The following ANGPT1 variants were observed in gnomAD, a reference collection of about 807,000 sequenced individuals.
The protein encoded by ANGPT1 is angiopoietin 1.
In ANGPT1, 17 loss-of-function variants were observed where a neutral mutation model predicts 62.2. That is an observed-to-expected ratio of 0.27 (90% CI 0.19 to 0.41). The LOEUF is 0.41. Ranked by LOEUF, ANGPT1 falls within the 10% of genes least tolerant of loss-of-function variation. The probability of loss-of-function intolerance (pLI) is 1.00; values close to 1 mark genes in which losing one functional copy is unlikely to be tolerated. For synonymous variants in ANGPT1, 199 were observed against 198.9 expected (o/e 1.00, Z 0.00); for missense variants, 478 against 594.9 (o/e 0.80, Z 2.04).
chr8:107,412,908 T>C (rs948076843), intron 1 of ANGPT1, among the ~76,000 whole-genome samples: 3 of 152,098 alleles, frequency 2.0e-5, no homozygotes, highest in Admixed American at 6.6e-5. Flanking sequence ...AATAAACAAA[T>C]GGATACTAAA....
chr8:107,286,643 A>T (rs1159484492), intron 6 of ANGPT1, among the ~76,000 whole-genome samples: 1 of 152,162 alleles, frequency 6.6e-6, no homozygotes, highest in Non-Finnish European at 1.5e-5. Context: ...CCCCAATTTA[A>T]CTAAGTTTTT....
intron 3 of ANGPT1, among the ~76,000 whole-genome samples, chr8:107,333,949 A>G (rs1815486127): frequency 7.8e-6 from 1 of 128,948 alleles, no homozygotes; most frequent in African/African-American, 2.7e-5. Flanking sequence ...AAAGAAAAAG[A>G]AAGAAAGAAA....
chr8:107,385,222 A>T (rs1816710821), intron 1 of ANGPT1, among the ~76,000 whole-genome samples: 1 of 152,074 alleles, frequency 6.6e-6, no homozygotes, highest in Non-Finnish European at 1.5e-5. Flanking sequence ...TGCTTTTTGT[A>T]GTATGGCCAT....
At chr8:107,425,952 G>A (rs1306597866) in intron 1 of ANGPT1, among the ~76,000 whole-genome samples, 1 of 152,214 alleles carries the variant, frequency 6.6e-6, no homozygotes, top group East Asian at 1.9e-4. Context: ...GGGGCCCCAG[G>A]CTTATACCAT....
At chr8:107,280,207 T>A (rs1466725703) in intron 7 of ANGPT1, among the ~76,000 whole-genome samples, 1 of 140,906 alleles carries the variant, frequency 7.1e-6, no homozygotes, top group Admixed American at 7.0e-5. Context: ...TCTTTTTTTA[T>A]TTTTTTTTTT....
chr8:107,295,057 T>C (rs1284301411), intron 5 of ANGPT1: 1 of 152,160 alleles, frequency 6.6e-6, no homozygotes, highest in Non-Finnish European at 1.5e-5. Flanking sequence ...CCCTGAGGCA[T>C]TGCATTTGGA....
chr8:107,359,429 G>A (rs982963656), intron 1 of ANGPT1, among the ~76,000 whole-genome samples: 2 of 152,118 alleles, frequency 1.3e-5, no homozygotes, highest in African/African-American at 4.8e-5. Context: ...TTATTTCCCA[G>A]AGAGAGCAAT....
At chr8:107,492,338 C>A (rs1464217384) in intron 1 of ANGPT1, among the ~76,000 whole-genome samples, 1 of 152,074 alleles carries the variant, frequency 6.6e-6, no homozygotes, top group Non-Finnish European at 1.5e-5. Context: ...TACTAAATAT[C>A]TACTTTATTT....
At chr8:107,369,669 C>A (rs1346639724) in intron 1 of ANGPT1, among the ~76,000 whole-genome samples, 1 of 152,026 alleles carries the variant, frequency 6.6e-6, no homozygotes, top group Non-Finnish European at 1.5e-5. Context: ...TATTCATTGA[C>A]CTAATTTCAA....
intron 1 of ANGPT1, among the ~76,000 whole-genome samples, chr8:107,440,698 G>A (rs1425461535): frequency 2.0e-5 from 3 of 152,164 alleles, no homozygotes; most frequent in Admixed American, 6.5e-5. Context: ...GCATTAACAT[G>A]TCCTTTTAAA....
At chr8:107,475,964 A>G (rs75499704) in intron 1 of ANGPT1, among the ~76,000 whole-genome samples, 7,996 of 152,198 alleles carry the variant, frequency 0.053, 233 homozygotes, top group South Asian at 0.11. Flanking sequence ...TGGAGAAATA[A>G]GAACAATTTT....
intron 1 of ANGPT1, among the ~76,000 whole-genome samples, chr8:107,383,385 T>C (rs1012009097): frequency 6.6e-6 from 1 of 152,162 alleles, no homozygotes; most frequent in Non-Finnish European, 1.5e-5. Flanking sequence ...AGTCCAGCCT[T>C]ACAAACTGAG....
chr8:107,380,323 C>T (rs1053262097), intron 1 of ANGPT1, among the ~76,000 whole-genome samples: 6 of 151,006 alleles, frequency 4.0e-5, no homozygotes, highest in Non-Finnish European at 5.9e-5. Flanking sequence ...TATTTGACAT[C>T]GAATGTTTAT....
At chr8:107,452,948 GA>G (rs1310892360) in intron 1 of ANGPT1, among the ~76,000 whole-genome samples, 1 of 152,008 alleles carries the variant, frequency 6.6e-6, no homozygotes, top group Non-Finnish European at 1.5e-5. Flanking sequence ...TAAATTTTGA[GA>G]AATAATTTAT....
At chr8:107,398,492 T>C (rs1329647943) in intron 1 of ANGPT1, among the ~76,000 whole-genome samples, 2 of 122,596 alleles carry the variant, frequency 1.6e-5, no homozygotes, top group Non-Finnish European at 3.2e-5. Flanking sequence ...TTAATTTTTT[T>C]CTTTTCTATT....
At chr8:107,394,797 A>G (rs554419804) in intron 1 of ANGPT1, among the ~76,000 whole-genome samples, 4 of 152,238 alleles carry the variant, frequency 2.6e-5, no homozygotes, top group East Asian at 1.9e-4. Context: ...ATTGGATTAC[A>G]TTAATTTTTG....
rs150353188 is a variant in ANGPT1 at position 107,331,889 on chromosome 8, A to G, written c.575+4261T>C. On this transcript the variant is annotated intron_variant, in intron 3 of 8. Transcript: ENST00000517746. Reference sequence around the variant, plus strand: ...GCCCGTGTGCTCCGTCTTTGTATACATGGGGTTTTGATTTCCCTTCCTGTA... The same window carrying G: ...GCCCGTGTGCTCCGTCTTTGTATACGTGGGGTTTTGATTTCCCTTCCTGTA... Among the ~76,000 whole-genome samples the G allele has an allele frequency of 2.8e-3, 423 of 152,240 alleles. 3 individuals are homozygous for G. Among genetic ancestry groups the G allele is most frequent in the African/African-American group, 9.9e-3 (411 of 41,564 alleles).
chr8:107,339,095 T>G (rs913845065), intron 2 of ANGPT1, among the ~76,000 whole-genome samples: 14 of 152,206 alleles, frequency 9.2e-5, no homozygotes, highest in Non-Finnish European at 1.8e-4. Flanking sequence ...GAGAACAAAA[T>G]GGAACCATTT....
chr8:107,318,060 G>A (rs1345500992), intron 4 of ANGPT1, among the ~76,000 whole-genome samples: 1 of 152,094 alleles, frequency 6.6e-6, no homozygotes, highest in East Asian at 1.9e-4. Context: ...ATTTTGAATT[G>A]CCAAAAACAT....
Sources: gnomAD v4.1 joint callset for allele counts (sites outside exome capture counted in the v4.1 genomes callset) on GRCh38, gnomAD v4.1.1 for gene constraint, MANE v1.5 for transcripts, NCBI Gene and HGNC (gene_info 2026-07-23, HGNC 2026-07-21) for gene names.